The following IPP variants were observed in gnomAD, a reference collection of about 807,000 sequenced individuals.
The protein encoded by IPP is actin-binding protein IPP.
IPP carries 41 observed loss-of-function variants against 64.1 expected under a neutral mutation model. The observed-to-expected ratio is 0.64, with a 90% CI of 0.50 to 0.83. The LOEUF is 0.83. Ranked by LOEUF, IPP falls within the 40% of genes least tolerant of loss-of-function variation. IPP has a pLI of 0.00. For missense variants in IPP, 649 were observed against 703.0 expected (o/e 0.92, Z 0.87); for synonymous variants, 214 against 235.2 (o/e 0.91, Z 0.83).
intron 7 of IPP, 109 bp from the exon 8 acceptor site, chr1:45,714,575 A>G: frequency 4.4e-6 from 3 of 687,720 alleles, no homozygotes; most frequent in Non-Finnish European, 7.7e-6. Flanking sequence ...TGTTTAATCT[A>G]GGGCTTACAT....
downstream of IPP, chr1:45,694,467 A>G: frequency 2.6e-6 from 4 of 1,545,760 alleles, no homozygotes; most frequent in Non-Finnish European, 3.5e-6. Context: ...ATTGAAAAGA[A>G]TGCACATATT....
chr1:45,698,718 T>A lies in IPP; in HGVS notation c.*1248A>T. 3.6e-5 allele frequency: 3 copies of A among 83,944 alleles called. No homozygotes were observed. Among genetic ancestry groups the A allele is most frequent in the Non-Finnish European group, 4.0e-5 (3 of 75,058 alleles). The allele number at this position is 83,944 out of a possible 1,614,324, so 5.2% of individuals were successfully genotyped here. A position where few individuals can be genotyped will look rare whatever the true frequency, so the allele number is the denominator to read the frequency against. ...GCAAAAAAGGAAGAATTTTTTTTTC[T>A]TTTTTTTTTTTTTTTTTTGAGACAG... On this transcript the variant is annotated 3_prime_UTR_variant, in exon 9 of 9. Coordinates refer to ENST00000396478, the MANE Select transcript of IPP (RefSeq NM_005897.3).
At chr1:45,743,033 G>A (rs747311031) in intron 2 of IPP, among the ~76,000 whole-genome samples, 89 of 151,846 alleles carry the variant, frequency 5.9e-4, no homozygotes, top group Non-Finnish European at 1.2e-3. Flanking sequence ...CACCTCCTGG[G>A]TTCAAGTGAT....
chr1:45,745,247 GT>G (rs1646119367), intron 2 of IPP, among the ~76,000 whole-genome samples: 1 of 152,124 alleles, frequency 6.6e-6, no homozygotes, highest in African/African-American at 2.4e-5. Context: ...TTAAGAGATA[GT>G]TTTGAGTAAA....
chr1:45,747,285 A>C (rs562033643), intron 1 of IPP, among the ~76,000 whole-genome samples: 1 of 152,010 alleles, frequency 6.6e-6, no homozygotes, highest in East Asian at 1.9e-4. Flanking sequence ...TTTTTTTTTA[A>C]CTTTTAACTT....
At chr1:45,731,594 A>G (rs2148572782) in intron 3 of IPP, among the ~76,000 whole-genome samples, 1 of 152,334 alleles carries the variant, frequency 6.6e-6, no homozygotes, top group Middle Eastern at 3.4e-3. Context: ...GACATGAACA[A>G]CAGTTCAGTA....
Position 45,719,296 on chromosome 1 carries a change from G to A in IPP, c.1093C>T (p.Pro365Ser), listed in dbSNP as rs759438872. The A allele has an allele frequency of 6.2e-7, 1 of 1,608,626 alleles. No homozygotes were observed. The highest frequency in any genetic ancestry group is 1.1e-5 in the South Asian group (1 of 90,650). ...ACAGTTGTCCACTGTTTAGTAACTGGATCATAGCATTCAGTACAATCAAAA... is the reference window on the plus strand; with the variant it reads ...ACAGTTGTCCACTGTTTAGTAACTGAATCATAGCATTCAGTACAATCAAAA... The part of the protein sequence containing the change: ...MIFDCTECYD[P>S]VTKQWTTVAS... The change falls in exon 6 of 9, where the codon CCA becomes TCA. Residue 365 changes from proline to serine, a missense_variant. Pro to Ser is a moderately conservative substitution (Grantham distance 74, BLOSUM62 -1). Coordinates refer to ENST00000396478, the MANE Select transcript of IPP (RefSeq NM_005897.3).
chr1:45,711,019 AAAAC>A (rs1160698165), intron 8 of IPP, among the ~76,000 whole-genome samples: 13 of 142,636 alleles, frequency 9.1e-5, no homozygotes, highest in Admixed American at 6.4e-4. Context: ...ACTCCGTCTC[AAAAC>A]AAACAAACAA....
Position 45,741,019 on chromosome 1 carries a change from T to G in IPP, c.606A>C (p.Leu202Phe). 2 of 1,614,030 alleles carry G rather than the reference T, an allele frequency of 1.2e-6. No homozygotes were observed. Among genetic ancestry groups the G allele is most frequent in the Non-Finnish European group, 1.7e-6 (2 of 1,179,876 alleles). Residue 202 changes from leucine to phenylalanine, a missense_variant, in exon 3 of 9, where the codon TTA becomes TTC. Transcript: ENST00000396478. Reference protein sequence around the residue: ...LSIEDEYQVFLAAMQWILKDL... With the variant: ...LSIEDEYQVFFAAMQWILKDL... ...CTTTCAGAATCCATTGCATTGCAGC[T>G]AAGAAGACCTGGTATTCATCCTCAA... is the stretch of plus-strand genomic sequence containing the variant.
intron 1 of IPP, among the ~76,000 whole-genome samples, chr1:45,747,139 A>T (rs1467846429): frequency 6.6e-6 from 1 of 151,902 alleles, no homozygotes; most frequent in African/African-American, 2.4e-5. Context: ...CGCGCTTCAG[A>T]GCTCCTTGAA....
intron 1 of IPP, among the ~76,000 whole-genome samples, chr1:45,747,195 C>T (rs966810352): frequency 6.6e-6 from 1 of 151,982 alleles, no homozygotes; most frequent in Non-Finnish European, 1.5e-5. Context: ...GCTTTAGCAC[C>T]AGTATATAAC....
intron 8 of IPP, among the ~76,000 whole-genome samples, chr1:45,710,522 A>G (rs1291923408): frequency 2.2e-5 from 1 of 46,128 alleles, no homozygotes; most frequent in Non-Finnish European, 4.1e-5. Context: ...TCAGGAGGCT[A>G]AGACAGGAGA....
intron 4 of IPP, among the ~76,000 whole-genome samples, 154 bp from the exon 5 acceptor site, chr1:45,727,952 A>T (rs141130505): frequency 1.3e-5 from 2 of 152,326 alleles, no homozygotes; most frequent in East Asian, 3.9e-4. Flanking sequence ...TTCCTGAAAG[A>T]TTGTGGCTTA....
At chr1:45,740,524 G>C (rs576121278) in intron 3 of IPP, among the ~76,000 whole-genome samples, 3 of 151,800 alleles carry the variant, frequency 2.0e-5, no homozygotes, top group African/African-American at 7.3e-5. Context: ...CTCCCTCCCA[G>C]ACAGGGCGGC....
intron 5 of IPP, among the ~76,000 whole-genome samples, chr1:45,724,195 G>A (rs1645772939): frequency 6.6e-6 from 1 of 152,162 alleles, no homozygotes; most frequent in African/African-American, 2.4e-5. Context: ...TGTTGGCCGG[G>A]CTGGTCTCCA....
chr1:45,720,423 A>C (rs1208150943), intron 5 of IPP, among the ~76,000 whole-genome samples: 1 of 151,960 alleles, frequency 6.6e-6, no homozygotes, highest in Admixed American at 6.6e-5. Flanking sequence ...TTTTGTATTT[A>C]AAAAAAAGAG....
Position 45,698,961 on chromosome 1 carries a change from A to T in IPP, c.*1005T>A. 1.3e-6 allele frequency: 1 copy of T among 764,112 alleles called. No individual in the cohort carries two copies. The highest frequency in any genetic ancestry group is 1.6e-6 in the Non-Finnish European group (1 of 627,918). The allele number at this position is 764,112 out of a possible 1,614,324, so 47.3% of individuals were successfully genotyped here. On this transcript the variant is annotated 3_prime_UTR_variant, in exon 9 of 9. Coordinates refer to ENST00000396478, the MANE Select transcript of IPP (RefSeq NM_005897.3). ...AGTCTCGAACTCCTGAGTTCAAGCC[A>T]TCTTCCCGTCTCACCTCGGCCTCTC...
Position 45,716,797 on chromosome 1 carries a change from T to C in IPP, c.1309+98A>G. On this transcript the variant is annotated intron_variant, in intron 7 of 8. Coordinates refer to ENST00000396478, the MANE Select transcript of IPP (RefSeq NM_005897.3). ...GCTGCTAGTATCAGTCATTCAATAC[T>C]AACAGACTTAAAATATACTTTTGTG... 4.8e-6 allele frequency: 5 copies of C among 1,039,160 alleles called. No homozygotes were observed. The South Asian group carries it at 8.1e-5, about 17-fold the overall frequency. 64.4% of individuals were successfully genotyped at this position (1,039,160 alleles called of 1,614,324 possible). A position where few individuals can be genotyped will look rare whatever the true frequency, so the allele number is the denominator to read the frequency against.
At chr1:45,718,352 C>T (rs908779835) in intron 6 of IPP, among the ~76,000 whole-genome samples, 4 of 152,186 alleles carry the variant, frequency 2.6e-5, no homozygotes, top group Non-Finnish European at 5.9e-5. Context: ...AAAGAGCTGA[C>T]AAGTGCATCT....
Sources: allele counts gnomAD v4.1 joint callset (sites outside exome capture counted in the v4.1 genomes callset), GRCh38; gene constraint gnomAD v4.1.1; transcripts MANE v1.5; gene names NCBI Gene and HGNC (gene_info 2026-07-23, HGNC 2026-07-21).